Variants in FANK1 observed in about 807,000 individuals in gnomAD.
FANK1 encodes the protein fibronectin type III and ankyrin repeat domains 1.
In FANK1, 44 loss-of-function variants were observed where a neutral mutation model predicts 45.3. The ratio of observed to expected loss-of-function variants is 0.97; its 90% CI spans 0.76 to 1.25. FANK1 has a LOEUF of 1.25. Among genes scored for constraint, FANK1 ranks in the 50% most tolerant of loss-of-function variants. FANK1 has a pLI of 0.00. For synonymous variants in FANK1, 149 were observed against 152.5 expected (o/e 0.98, Z 0.17); for missense variants, 391 against 424.4 (o/e 0.92, Z 0.69).
chr10:125,992,532 G>T (rs1288826794), intron 3 of FANK1, among the ~76,000 whole-genome samples: 1 of 152,170 alleles, frequency 6.6e-6, no homozygotes, highest in African/African-American at 2.4e-5. Context: ...AGAGTAAGCT[G>T]TGAAGTGCTC....
chr10:125,991,964 T>TG (rs1564955033), intron 3 of FANK1, among the ~76,000 whole-genome samples: 1 of 152,228 alleles, frequency 6.6e-6, no homozygotes, highest in Non-Finnish European at 1.5e-5. Context: ...CCCTGACTGG[T>TG]GAGTCCATCT....
chr10:125,915,078 C>T (rs1255811020), intron 1 of FANK1, among the ~76,000 whole-genome samples: 1 of 152,116 alleles, frequency 6.6e-6, no homozygotes. Context: ...TGAAAGGGAT[C>T]CAGCTACAAC....
intron 2 of FANK1, among the ~76,000 whole-genome samples, chr10:125,985,128 A>C (rs547098597): frequency 6.6e-6 from 1 of 152,226 alleles, no homozygotes; most frequent in African/African-American, 2.4e-5. Context: ...GGGGTTATGG[A>C]GGTGCTGTTT....
chr10:125,910,219 A>G (rs1945878713), intron 1 of FANK1, among the ~76,000 whole-genome samples: 1 of 152,194 alleles, frequency 6.6e-6, no homozygotes, highest in East Asian at 1.9e-4. Context: ...CTGGTAACAT[A>G]TACATACTTC....
chr10:125,906,983 G>A (rs1311700818), intron 1 of FANK1, among the ~76,000 whole-genome samples: 1 of 152,218 alleles, frequency 6.6e-6, no homozygotes, highest in Non-Finnish European at 1.5e-5. Context: ...TAAATGAGTA[G>A]CCTCTCTGAG....
At chr10:125,939,026 TATG>T (rs1410049662) in intron 1 of FANK1, among the ~76,000 whole-genome samples, 1 of 152,218 alleles carries the variant, frequency 6.6e-6, no homozygotes, top group African/African-American at 2.4e-5. Context: ...TGCCACCTGA[TATG>T]ATGTAGTGGA....
chr10:125,971,916 T>C lies in FANK1; in HGVS notation c.14-8245T>C, dbSNP rs547799974. On this transcript the variant is annotated intron_variant, in intron 1 of 10. Coordinates refer to ENST00000368693, the MANE Select transcript of FANK1 (RefSeq NM_145235.5). The stretch of plus-strand genomic sequence containing the variant: ...TGCTGGGATTACAGGTGTGAGCCAC[T>C]GCGCCCGGCCGCTCCGGTCTACATT... 6.7e-4 allele frequency among the ~76,000 whole-genome samples: 102 copies of C among 152,258 alleles called. 1 individual carries two copies. Among genetic ancestry groups the C allele is most frequent in the East Asian group, 7.7e-4 (4 of 5,162 alleles).
At position 125,989,355 on chromosome 10, in the gene FANK1, C is replaced by T. The variant is rs1216463377; in HGVS notation, c.316+680C>T. On this transcript the variant is annotated intron_variant, in intron 3 of 10. Coordinates refer to ENST00000368693, the MANE Select transcript of FANK1 (RefSeq NM_145235.5). ...CTCCACGGCCCACCCACTGAAAACACAGGCAAGTAATTTTTCAGTTGCACA... is the reference window on the plus strand; with the variant it reads ...CTCCACGGCCCACCCACTGAAAACATAGGCAAGTAATTTTTCAGTTGCACA... 7 of 1,551,212 alleles carry T rather than the reference C, an allele frequency of 4.5e-6. No individual in the cohort carries two copies. In the East Asian group the frequency reaches 1.7e-4, roughly 38 times the overall value.
At chr10:125,959,045 C>T (rs1192072720) in intron 1 of FANK1, among the ~76,000 whole-genome samples, 1 of 152,150 alleles carries the variant, frequency 6.6e-6, no homozygotes, top group Non-Finnish European at 1.5e-5. Context: ...TAGTATTTTA[C>T]ATTACTTTGT....
At chr10:125,918,647 C>T (rs1946688297) in intron 1 of FANK1, among the ~76,000 whole-genome samples, 1 of 131,228 alleles carries the variant, frequency 7.6e-6, no homozygotes, top group South Asian at 2.5e-4. Context: ...ATTTTATAAG[C>T]ACCATTTACC....
chr10:125,897,920 G>A (rs1000118253), intron 1 of FANK1, among the ~76,000 whole-genome samples: 27 of 145,930 alleles, frequency 1.9e-4, no homozygotes, highest in African/African-American at 5.8e-4. Context: ...ACTTTGGGAG[G>A]CTGAGGCAGG....
chr10:125,954,946 GA>G (rs913315013), intron 1 of FANK1, among the ~76,000 whole-genome samples: 13 of 151,798 alleles, frequency 8.6e-5, no homozygotes, highest in African/African-American at 2.9e-4. Flanking sequence ...AAAGGGGAAG[GA>G]AAATGAATTA....
intron 1 of FANK1, among the ~76,000 whole-genome samples, chr10:125,974,253 G>A (rs1352610178): frequency 1.3e-5 from 2 of 152,160 alleles, no homozygotes; most frequent in Non-Finnish European, 2.9e-5. Context: ...TGTTGGCTGT[G>A]TGCCCCACTG....
intron 5 of FANK1, among the ~76,000 whole-genome samples, chr10:125,997,103 G>A (rs1952390432): frequency 6.6e-6 from 1 of 151,940 alleles, no homozygotes; most frequent in African/African-American, 2.4e-5. Flanking sequence ...TTCATTACAT[G>A]CTACCATTTA....
At chr10:125,932,013 G>A (rs12359733) in intron 1 of FANK1, among the ~76,000 whole-genome samples, 56,358 of 151,878 alleles carry the variant, frequency 0.37, 10,963 homozygotes, top group Non-Finnish European at 0.44. Flanking sequence ...GGTTATAAGT[G>A]TTTGGGCTTA....
chr10:125,904,019 C>T (rs1945273598), intron 1 of FANK1, among the ~76,000 whole-genome samples: 1 of 151,932 alleles, frequency 6.6e-6, no homozygotes, highest in Non-Finnish European at 1.5e-5. Flanking sequence ...TGTGACCACA[C>T]CTGGCTAATT....
Position 125,942,235 on chromosome 10 carries a change from G to A in FANK1, c.14-37926G>A, listed in dbSNP as rs557941744. Among the ~76,000 whole-genome samples, 11 of 152,278 alleles carry A rather than the reference G, an allele frequency of 7.2e-5. No homozygotes were observed. In the East Asian group the frequency reaches 7.7e-4, roughly 11 times the overall value. ...ATTGTGAAGACATTGAGAGTCTGCC[G>A]AGAGCCACAAAGGAAACTTGAACAA... On this transcript the variant is annotated intron_variant, in intron 1 of 10. Coordinates refer to ENST00000368693, the MANE Select transcript of FANK1 (RefSeq NM_145235.5).
chr10:125,998,151 A>G (rs1340554731), intron 6 of FANK1, among the ~76,000 whole-genome samples: 2 of 152,238 alleles, frequency 1.3e-5, no homozygotes, highest in African/African-American at 4.8e-5. Flanking sequence ...GCTTTGGCAC[A>G]TGGGTGAAAC....
intron 1 of FANK1, among the ~76,000 whole-genome samples, chr10:125,959,241 C>CA (rs1564914508): frequency 6.7e-6 from 1 of 149,784 alleles, no homozygotes; most frequent in African/African-American, 2.5e-5. Context: ...TACTAAAAAT[C>CA]CACACACACA....
Sources: allele counts gnomAD v4.1 joint callset (sites outside exome capture counted in the v4.1 genomes callset), GRCh38; gene constraint gnomAD v4.1.1; transcripts MANE v1.5; gene names NCBI Gene and HGNC (gene_info 2026-07-23, HGNC 2026-07-21).